The following TOX variants were observed in gnomAD, a reference collection of about 807,000 sequenced individuals.
TOX encodes the protein thymocyte selection associated high mobility group box.
A neutral mutation model predicts 53.7 loss-of-function variants in TOX; 11 were observed. That is an observed-to-expected ratio of 0.20 (90% CI 0.13 to 0.34). The LOEUF (loss-of-function observed/expected upper bound fraction) is 0.34, where lower values mean the gene tolerates loss of function less well. Among genes scored for constraint, TOX ranks in the 10% least tolerant of loss-of-function variants. The pLI is 1.00. For synonymous variants in TOX, 225 were observed against 245.3 expected, an observed-to-expected ratio of 0.92 and a Z score of 0.77; for missense variants, 570 against 664.6, an observed-to-expected ratio of 0.86 and a Z score of 1.56.
chr8:58,863,815 TA>T (rs1811050874), intron 3 of TOX, among the ~76,000 whole-genome samples: 1 of 152,112 alleles, frequency 6.6e-6, no homozygotes, highest in Admixed American at 6.6e-5. Context: ...ACTATCCCTG[TA>T]CTCAAATAAC....
Position 59,076,085 on chromosome 8 carries a change from G to A in TOX, c.102+42801C>T, listed in dbSNP as rs565612659. On this transcript the variant is annotated intron_variant, in intron 1 of 8. Coordinates refer to ENST00000361421, the MANE Select transcript of TOX (RefSeq NM_014729.3). ...CTCAGGAAGTCAGAGAGAAGAAGGC[G>A]CTGTAAACCAGGTTAGAAGAATCTT... Among the ~76,000 whole-genome samples the A allele has an allele frequency of 1.4e-4, 22 of 152,058 alleles. No homozygotes were observed. In the South Asian group the frequency reaches 2.3e-3, roughly 16 times the overall value.
At chr8:58,831,688 G>A (rs944294162) in intron 5 of TOX, among the ~76,000 whole-genome samples, 3 of 152,068 alleles carry the variant, frequency 2.0e-5, no homozygotes, top group African/African-American at 7.2e-5. Context: ...TGCAAGGCCT[G>A]GTCTCTTTTG....
At chr8:58,811,511 C>T (rs1185076400) in intron 7 of TOX, among the ~76,000 whole-genome samples, 1 of 152,240 alleles carries the variant, frequency 6.6e-6, no homozygotes, top group African/African-American at 2.4e-5. Context: ...CATATCCACA[C>T]TTTACTGGGA....
At chr8:58,822,232 C>T (rs569147362) in intron 6 of TOX, among the ~76,000 whole-genome samples, 9 of 152,324 alleles carry the variant, frequency 5.9e-5, no homozygotes, top group East Asian at 1.9e-4. Flanking sequence ...AATCACCACC[C>T]TATGTCTAAT....
At chr8:59,009,095 C>T (rs183375233) in intron 1 of TOX, among the ~76,000 whole-genome samples, 31 of 151,554 alleles carry the variant, frequency 2.0e-4, no homozygotes, top group Non-Finnish European at 2.1e-4. Flanking sequence ...CTCTTCCTCC[C>T]TCCCTTTCTT....
At chr8:59,107,741 G>A (rs771183675) in intron 1 of TOX, among the ~76,000 whole-genome samples, 5 of 152,132 alleles carry the variant, frequency 3.3e-5, no homozygotes, top group African/African-American at 4.8e-5. Context: ...GGCACAGTGC[G>A]ATATTTAGAA....
At position 58,899,211 on chromosome 8, in the gene TOX, C is replaced by A. The variant is rs17231026; in HGVS notation, c.411+40091G>T. Among the ~76,000 whole-genome samples, 520 of 152,284 alleles carry A rather than the reference C, an allele frequency of 3.4e-3. 3 individuals are homozygous for A. Among genetic ancestry groups the A allele is most frequent in the African/African-American group, 0.012 (502 of 41,566 alleles). On this transcript the variant is annotated intron_variant, in intron 3 of 8. Coordinates refer to ENST00000361421, the MANE Select transcript of TOX (RefSeq NM_014729.3). ...TAATCATTTCTCAGCTATACTTTCCCGCTTTCTACTAACTGGCTAGCAATT... is the reference window on the plus strand; with the variant it reads ...TAATCATTTCTCAGCTATACTTTCCAGCTTTCTACTAACTGGCTAGCAATT...
intron 1 of TOX, among the ~76,000 whole-genome samples, chr8:59,090,417 G>A (rs757623727): frequency 2.0e-5 from 3 of 152,152 alleles, no homozygotes; most frequent in African/African-American, 4.8e-5. Flanking sequence ...GTCAAGAGGC[G>A]GACACGGTGT....
At chr8:58,869,527 T>G (rs942751884) in intron 3 of TOX, among the ~76,000 whole-genome samples, 4 of 152,038 alleles carry the variant, frequency 2.6e-5, no homozygotes, top group African/African-American at 9.7e-5. Context: ...ACTTCATAAC[T>G]CATGCTATGA....
intron 1 of TOX, among the ~76,000 whole-genome samples, chr8:59,102,358 G>A (rs1804821870): frequency 1.3e-5 from 2 of 152,122 alleles, no homozygotes. Flanking sequence ...CTCCCGAGTA[G>A]CTGGGATTAC....
At chr8:58,890,516 G>A (rs1811544084) in intron 3 of TOX, among the ~76,000 whole-genome samples, 1 of 152,084 alleles carries the variant, frequency 6.6e-6, no homozygotes, top group Non-Finnish European at 1.5e-5. Flanking sequence ...TGAGGAACAA[G>A]TTGAGAAATA....
At chr8:58,994,035 C>A (rs922704138) in intron 1 of TOX, among the ~76,000 whole-genome samples, 1 of 152,132 alleles carries the variant, frequency 6.6e-6, no homozygotes, top group Admixed American at 6.5e-5. Flanking sequence ...TGCCAGTATT[C>A]ATCAAGAGTT....
chr8:58,862,183 A>G (rs1811022775), intron 3 of TOX, among the ~76,000 whole-genome samples: 1 of 152,208 alleles, frequency 6.6e-6, no homozygotes, highest in African/African-American at 2.4e-5. Flanking sequence ...TGGTATTAAT[A>G]ACTTGGAACA....
At chr8:58,957,728 G>A (rs1322609093) in intron 2 of TOX, among the ~76,000 whole-genome samples, 1 of 152,188 alleles carries the variant, frequency 6.6e-6, no homozygotes, top group African/African-American at 2.4e-5. Context: ...AATTATAATT[G>A]TTGAGTGATG....
intron 1 of TOX, among the ~76,000 whole-genome samples, chr8:58,979,014 C>G (rs1371733429): frequency 6.6e-6 from 1 of 152,160 alleles, no homozygotes; most frequent in Non-Finnish European, 1.5e-5. Context: ...GTAGTCCCTA[C>G]CATACTGAGT....
At chr8:59,075,471 C>T (rs183862525) in intron 1 of TOX, among the ~76,000 whole-genome samples, 267 of 152,268 alleles carry the variant, frequency 1.8e-3, no homozygotes, top group African/African-American at 6.2e-3. Context: ...TTCCTCCGTG[C>T]AGCTCATGAC....
intron 1 of TOX, among the ~76,000 whole-genome samples, chr8:58,990,672 C>T (rs895027424): frequency 5.9e-5 from 9 of 152,054 alleles, no homozygotes; most frequent in East Asian, 1.9e-4. Context: ...TGAGGGAGTC[C>T]GCAGCAAGCA....
intron 1 of TOX, among the ~76,000 whole-genome samples, chr8:59,114,828 A>C (rs1210714037): frequency 6.6e-6 from 1 of 152,176 alleles, no homozygotes; most frequent in Non-Finnish European, 1.5e-5. Context: ...TGCCACATTA[A>C]AGTATAATAC....
chr8:59,013,391 A>C (rs559112407), intron 1 of TOX, among the ~76,000 whole-genome samples: 30 of 148,934 alleles, frequency 2.0e-4, no homozygotes, highest in African/African-American at 6.9e-4. Flanking sequence ...TGTAGGCTTT[A>C]AGTTCCAACT....
Sources: allele counts gnomAD v4.1 joint callset (sites outside exome capture counted in the v4.1 genomes callset), GRCh38; gene constraint gnomAD v4.1.1; transcripts MANE v1.5; gene names NCBI Gene and HGNC (gene_info 2026-07-23, HGNC 2026-07-21).